Variants in OR6N1 observed in about 807,000 individuals in gnomAD.
OR6N1 encodes the protein olfactory receptor 6N1.
For synonymous variants in OR6N1, 170 were observed against 150.7 expected (o/e 1.13, Z -0.94); for missense variants, 394 against 371.7 (o/e 1.06, Z -0.49).
At chr1:158,766,831 AG>A (rs1240645175) in intron 1 of OR6N1, 131 bp from the exon 2 acceptor site, 30 of 615,356 alleles carry the variant, frequency 4.9e-5, no homozygotes, top group Non-Finnish European at 8.5e-5. Flanking sequence ...AAATGCTTTG[AG>A]AGGTCAACAT....
At chr1:158,828,725 G>T in the OR6N1 span, among the ~76,000 whole-genome samples, 1 of 152,170 alleles carries the variant, frequency 6.6e-6, no homozygotes, top group Non-Finnish European at 1.5e-5. Context: ...GTGGTGCCCT[G>T]GCAGGGACTC....
At chr1:158,769,434 G>A (rs113928781) in intron 1 of OR6N1, among the ~76,000 whole-genome samples, 2 of 152,286 alleles carry the variant, frequency 1.3e-5, no homozygotes, top group African/African-American at 4.8e-5. Flanking sequence ...AAAGTGCTGG[G>A]ATTACAGGCA....
chr1:158,819,916 A>G, the OR6N1 span, among the ~76,000 whole-genome samples: 1 of 152,188 alleles, frequency 6.6e-6, no homozygotes, highest in Non-Finnish European at 1.5e-5. Context: ...CACTAGAGGA[A>G]TTAAAGACAC....
At chr1:158,802,558 G>C in the OR6N1 span, among the ~76,000 whole-genome samples, 1 of 152,142 alleles carries the variant, frequency 6.6e-6, no homozygotes, top group African/African-American at 2.4e-5. Flanking sequence ...CATCTTAAAA[G>C]CTTTTTTTGC....
At chr1:158,795,618 C>T in the OR6N1 span, among the ~76,000 whole-genome samples, 3 of 152,184 alleles carry the variant, frequency 2.0e-5, no homozygotes, top group Admixed American at 6.5e-5. Flanking sequence ...AGTATGTCCC[C>T]ATGTTGTTCC....
the OR6N1 span, among the ~76,000 whole-genome samples, chr1:158,809,610 C>T: frequency 6.6e-6 from 1 of 152,074 alleles, no homozygotes; most frequent in Non-Finnish European, 1.5e-5. Flanking sequence ...GTGATTTTCT[C>T]CCCTATTCCA....
the OR6N1 span, among the ~76,000 whole-genome samples, chr1:158,839,717 A>C: frequency 6.6e-6 from 1 of 152,202 alleles, no homozygotes; most frequent in Non-Finnish European, 1.5e-5. Flanking sequence ...ACAGGGACAA[A>C]GAAAAACACC....
chr1:158,815,453 G>A, the OR6N1 span, among the ~76,000 whole-genome samples: 18 of 152,008 alleles, frequency 1.2e-4, no homozygotes, highest in Admixed American at 6.5e-5. Context: ...AGACAGAAAG[G>A]GTAAGAAGAA....
the OR6N1 span, among the ~76,000 whole-genome samples, chr1:158,788,828 T>A: frequency 6.6e-6 from 1 of 152,172 alleles, no homozygotes; most frequent in African/African-American, 2.4e-5. Flanking sequence ...ACAATCATCT[T>A]TATTTTCTAT....
chr1:158,777,919 A>C, the OR6N1 span, among the ~76,000 whole-genome samples: 2 of 152,194 alleles, frequency 1.3e-5, no homozygotes, highest in African/African-American at 4.8e-5. Context: ...GCAAATAAGA[A>C]AACTTGGGAA....
chr1:158,836,585 T>C, the OR6N1 span, among the ~76,000 whole-genome samples: 165 of 152,066 alleles, frequency 1.1e-3, no homozygotes, highest in Admixed American at 2.6e-3. Context: ...TTTTAGTTTC[T>C]GATTTTATTA....
chr1:158,817,276 T>C, the OR6N1 span, among the ~76,000 whole-genome samples: 1 of 152,212 alleles, frequency 6.6e-6, no homozygotes, highest in Non-Finnish European at 1.5e-5. Context: ...CTAGTTTGCC[T>C]TAGCTATTTG....
upstream of OR6N1, chr1:158,776,962 A>G: frequency 2.5e-6 from 4 of 1,614,190 alleles, no homozygotes; most frequent in Non-Finnish European, 3.4e-6. Flanking sequence ...TATCTTCAGC[A>G]CAGCCCCAAT....
chr1:158,818,932 AC>A, the OR6N1 span, among the ~76,000 whole-genome samples: 4 of 152,186 alleles, frequency 2.6e-5, no homozygotes, highest in Non-Finnish European at 5.9e-5. Context: ...AAATCCTCCC[AC>A]AAAACTTTTC....
chr1:158,777,043 A>C (rs1485333558), upstream of OR6N1: 1 of 1,614,166 alleles, frequency 6.2e-7, no homozygotes. Context: ...GGCAAAGTCC[A>C]CCAGAATGTT....
At chr1:158,827,673 G>T in the OR6N1 span, among the ~76,000 whole-genome samples, 3 of 152,322 alleles carry the variant, frequency 2.0e-5, no homozygotes, top group African/African-American at 7.2e-5. Context: ...ACTTGAACCA[G>T]AAAAGTGGGA....
chr1:158,785,019 G>A, the OR6N1 span, among the ~76,000 whole-genome samples: 1 of 152,154 alleles, frequency 6.6e-6, no homozygotes, highest in East Asian at 1.9e-4. Context: ...AAACTAAACT[G>A]TAAGCTTTTT....
At chr1:158,835,735 A>G in the OR6N1 span, among the ~76,000 whole-genome samples, 2 of 151,806 alleles carry the variant, frequency 1.3e-5, no homozygotes, top group Non-Finnish European at 2.9e-5. Context: ...GTCTCTTACC[A>G]TTGGGAATAA....
the OR6N1 span, among the ~76,000 whole-genome samples, chr1:158,827,358 G>T: frequency 6.6e-6 from 1 of 152,210 alleles, no homozygotes; most frequent in Non-Finnish European, 1.5e-5. Flanking sequence ...GGCTAAAACT[G>T]GGTCACATGT....
Sources: allele counts gnomAD v4.1 joint callset (sites outside exome capture counted in the v4.1 genomes callset), GRCh38; gene constraint gnomAD v4.1.1; transcripts MANE v1.5; gene names NCBI Gene and HGNC (gene_info 2026-07-23, HGNC 2026-07-21).